IL17REL: variants seen among roughly 807,000 people sequenced by gnomAD.
IL17REL encodes interleukin 17 receptor E like.
In IL17REL, 36 loss-of-function variants were observed where a neutral mutation model predicts 49.0. That is an observed-to-expected ratio of 0.73 (90% CI 0.56 to 0.97). The LOEUF (loss-of-function observed/expected upper bound fraction) is 0.97, where lower values mean the gene tolerates loss of function less well. Ranked by LOEUF, IL17REL falls within the 50% of genes least tolerant of loss-of-function variation. The pLI is 0.00. For synonymous variants in IL17REL, 206 were observed against 192.4 expected, an observed-to-expected ratio of 1.07 and a Z score of -0.58; for missense variants, 470 against 453.9, an observed-to-expected ratio of 1.04 and a Z score of -0.32.
At chr22:50,001,799 C>T (rs2061081735) in intron 1 of IL17REL, among the ~76,000 whole-genome samples, 1 of 152,218 alleles carries the variant, frequency 6.6e-6, no homozygotes, top group Non-Finnish European at 1.5e-5. Context: ...GGGGGCTTTG[C>T]TCAGCCAGGT....
rs2061038270 is a variant in IL17REL, at chr22:49,996,897, T to C, written c.*45-37A>G. The stretch of plus-strand genomic sequence containing the variant: ...AGGCAGCTCCGTCAACATGGCCTCC[T>C]GCTTCCCCCGGGGATGGGGGATGGG... On this transcript the variant is annotated intron_variant, in intron 12 of 12. Transcript: ENST00000341280. The C allele has an allele frequency of 1.1e-5, 7 of 650,178 alleles. No individual in the cohort carries two copies. The South Asian group carries it at 1.4e-4, about 13-fold the overall frequency. The allele number at this position is 650,178 out of a possible 1,614,324, so 40.3% of individuals were successfully genotyped here.
At chr22:50,005,539 C>G (rs1043816429) in intron 1 of IL17REL, among the ~76,000 whole-genome samples, 28 of 152,116 alleles carry the variant, frequency 1.8e-4, no homozygotes, top group African/African-American at 6.5e-4. Flanking sequence ...CGGTGGCTCA[C>G]GCCTGTAATC....
rs773763375 is a variant in IL17REL, at chr22:49,999,270, T to A, written c.601+21A>T. 3.1e-6 allele frequency: 5 copies of A among 1,612,962 alleles called. No individual in the cohort carries two copies. In the East Asian group the frequency reaches 1.1e-4, roughly 36 times the overall value. On this transcript the variant is annotated intron_variant, in intron 7 of 12. Transcript: ENST00000341280. ...GCAGCCATTCCCACCCTTCCGCCCGTTGGCATCGCAGGACACTTGCCGTTT... is the reference window on the plus strand; with the variant it reads ...GCAGCCATTCCCACCCTTCCGCCCGATGGCATCGCAGGACACTTGCCGTTT...
chr22:50,004,559 G>A (rs977363248), intron 1 of IL17REL, among the ~76,000 whole-genome samples: 7 of 151,992 alleles, frequency 4.6e-5, no homozygotes, highest in Admixed American at 1.3e-4. Context: ...TTAGAGCTCG[G>A]TGTGTATGTT....
intron 1 of IL17REL, among the ~76,000 whole-genome samples, chr22:50,002,826 G>C (rs939586737): frequency 2.6e-5 from 4 of 152,180 alleles, no homozygotes; most frequent in Non-Finnish European, 5.9e-5. Flanking sequence ...TCCCACTGTA[G>C]TCCGGATGGA....
chr22:49,992,636 A>G (rs114488711), downstream of IL17REL, among the ~76,000 whole-genome samples: 3,207 of 151,892 alleles, frequency 0.021, 115 homozygotes, highest in African/African-American at 0.073. Flanking sequence ...TATTATTTTT[A>G]AGATGGTGTC....
upstream of IL17REL, chr22:50,009,023 G>T (rs1196129827): frequency 6.6e-6 from 1 of 152,192 alleles, no homozygotes; most frequent in African/African-American, 2.4e-5. Context: ...GAGACAGAAC[G>T]ATCCGAAACC....
intron 1 of IL17REL, among the ~76,000 whole-genome samples, chr22:50,005,828 AT>A (rs776407133): frequency 2.6e-5 from 4 of 151,524 alleles, no homozygotes; most frequent in Non-Finnish European, 4.4e-5. Context: ...AAATAAAAAA[AT>A]AAAATATACC....
chr22:50,000,549 T>G, exon 4 of IL17REL: 1 of 1,613,434 alleles, frequency 6.2e-7, no homozygotes, highest in Non-Finnish European at 8.5e-7. Flanking sequence ...GACATAGAGG[T>G]GCTGGGCCAC....
intron 1 of IL17REL, among the ~76,000 whole-genome samples, chr22:50,006,952 C>T (rs2061113638): frequency 1.1e-5 from 1 of 88,580 alleles, no homozygotes; most frequent in Non-Finnish European, 2.1e-5. Flanking sequence ...GAGACTCTGT[C>T]TCAAAAAAAA....
chr22:49,999,979 G>A lies in IL17REL; in HGVS notation c.335-12C>T. ...GCTGAGCTTCCCCGCTGCAGGAGGC[G>A]GCAAGTCGGGGCCGCGCTGGGACCA... On this transcript the variant is annotated splice_polypyrimidine_tract_variant and intron_variant, in intron 4 of 12. Transcript: ENST00000341280. 6.7e-7 allele frequency: 1 copy of A among 1,495,574 alleles called. No homozygotes were observed. The highest frequency in any genetic ancestry group is 8.9e-7 in the Non-Finnish European group (1 of 1,118,146). 92.6% of individuals were successfully genotyped at this position (1,495,574 alleles called of 1,614,324 possible). A position where few individuals can be genotyped will look rare whatever the true frequency, so the allele number is the denominator to read the frequency against.
chr22:50,012,240 G>A (rs79641456), upstream of IL17REL, among the ~76,000 whole-genome samples: 2 of 152,224 alleles, frequency 1.3e-5, no homozygotes, highest in Middle Eastern at 3.2e-3. Context: ...CGAGCGGGGT[G>A]GGGTGGGAGC....
exon 13 of IL17REL, chr22:49,995,787 G>A (rs1363130245): frequency 6.6e-6 from 1 of 152,372 alleles, no homozygotes; most frequent in Non-Finnish European, 1.5e-5. Context: ...TGAAGGAGGA[G>A]CCCACCCTGG....
At chr22:49,997,801 CA>C in intron 9 of IL17REL, 59 bp from the exon 12 acceptor site, 15 of 1,553,988 alleles carry the variant, frequency 9.7e-6, no homozygotes, top group African/African-American at 1.4e-5. Flanking sequence ...GGGGCAGGGA[CA>C]GGGGCAGGGA....
At chr22:50,002,495 C>CTTT (rs398040533) in intron 1 of IL17REL, among the ~76,000 whole-genome samples, 13 of 127,900 alleles carry the variant, frequency 1.0e-4, no homozygotes, top group Middle Eastern at 4.1e-3. Flanking sequence ...CTTTTCTTTT[C>CTTT]TTTTTTTTTT....
chr22:50,007,549 G>GA (rs2061116800), intron 1 of IL17REL, among the ~76,000 whole-genome samples: 1 of 151,806 alleles, frequency 6.6e-6, no homozygotes, highest in Non-Finnish European at 1.5e-5. Flanking sequence ...TTTTTTGGGG[G>GA]GGGGATTCTT....
intron 9 of IL17REL, 42 bp from the exon 12 acceptor site, chr22:49,997,784 TGAGGCA>T (rs768979316): frequency 1.9e-6 from 3 of 1,597,396 alleles, no homozygotes; most frequent in Middle Eastern, 1.7e-4. Context: ...GGAGTGTGTG[TGAGGCA>T]GGGGCAGGGA....
intron 1 of IL17REL, among the ~76,000 whole-genome samples, chr22:50,005,970 C>T (rs77633392): frequency 0.017 from 2,604 of 152,064 alleles, 39 homozygotes; most frequent in Non-Finnish European, 0.023. Context: ...TAAAAACCTT[C>T]CTAGAAACGT....
chr22:49,997,696 C>A, exon 10 of IL17REL: 1 of 1,613,880 alleles, frequency 6.2e-7, no homozygotes, highest in African/African-American at 1.3e-5. Flanking sequence ...TGGGAAGCGA[C>A]GCTGTTCGAA....
Sources: gnomAD v4.1 joint callset for allele counts (sites outside exome capture counted in the v4.1 genomes callset) on GRCh38, gnomAD v4.1.1 for gene constraint, MANE v1.5 for transcripts, NCBI Gene and HGNC (gene_info 2026-07-23, HGNC 2026-07-21) for gene names.